ABCA12: variants seen among roughly 807,000 people sequenced by gnomAD.
The protein encoded by ABCA12 is ATP binding cassette subfamily A member 12.
ABCA12 carries 156 observed loss-of-function variants against 293.5 expected under a neutral mutation model. The ratio of observed to expected loss-of-function variants is 0.53; its 90% confidence interval spans 0.47 to 0.61. ABCA12 has a LOEUF of 0.61. ABCA12 is among the 20% of genes least tolerant of loss of function. The pLI is 0.00. For missense variants in ABCA12, 2,797 were observed against 3,090.2 expected (o/e 0.91, Z 2.25); for synonymous variants, 1,063 against 1,108.0 (o/e 0.96, Z 0.81).
rs1044186104 is a variant in ABCA12, at chr2:215,064,175, A to G, written c.208T>C (p.Phe70Leu). 9.3e-6 allele frequency: 15 copies of G among 1,612,892 alleles called. No homozygotes were observed. The highest frequency in any genetic ancestry group is 1.7e-4 in the Middle Eastern group (1 of 6,054). ...RNLPSTGFFP[F>L]LQTLLCDTDS... is the part of the protein sequence containing the mutation. ...GTGTCACAGAGTAGGGTCTGCAGGA[A>G]TGGAAAGAATCCAGTACTAGGAAGG... The change falls in exon 3 of 53, where the codon TTC becomes CTC. Residue 70 changes from phenylalanine to leucine, a missense_variant. Physicochemically the swap from Phe to Leu is conservative, Grantham distance 22 (BLOSUM62 0). This residue lies in a region of ABCA12 where 656 missense variants were observed against 638.2 expected (regional missense o/e 1.03). Transcript: ENST00000272895.
Position 215,138,233 on chromosome 2 carries a change from T to C in ABCA12, c.-25A>G. On this transcript the variant is annotated 5_prime_UTR_variant, in exon 1 of 53. Transcript: ENST00000272895. ...TCCTTCAAATGCCCCAAATGAGAGA[T>C]TTCCTCTTCTTTTCTCCACTCCACA... 1 of 1,612,032 alleles carries C rather than the reference T, an allele frequency of 6.2e-7. No individual in the cohort carries two copies. The highest frequency in any genetic ancestry group is 8.5e-7 in the Non-Finnish European group (1 of 1,178,196).
At chr2:215,047,723 A>G (rs1464107370) in intron 6 of ABCA12, among the ~76,000 whole-genome samples, 1 of 152,226 alleles carries the variant, frequency 6.6e-6, no homozygotes, top group Non-Finnish European at 1.5e-5. Flanking sequence ...AAACCCTGGA[A>G]GACAGCCTAG....
In ABCA12 at chr2:214,980,544, G is replaced by T; in HGVS notation, c.4679C>A (p.Ser1560Tyr). 6.2e-7 allele frequency: 1 copy of T among 1,613,968 alleles called. No individual in the cohort carries two copies. The highest frequency in any genetic ancestry group is 1.1e-5 in the South Asian group (1 of 91,074). ...LEQGGLRCCG[S>Y]PFYLKEAFGD... is the part of the protein sequence containing the mutation. Reference sequence around the variant, plus strand: ...AAAGGCTTCCTTGAGGTAAAATGGGGACCCACAGCACCTAAGCCCACCCTG... The same window carrying T: ...AAAGGCTTCCTTGAGGTAAAATGGGTACCCACAGCACCTAAGCCCACCCTG... Residue 1560 changes from serine to tyrosine, a missense_variant, in exon 31 of 53, where the codon TCC becomes TAC. By Grantham distance (144) the Ser-to-Tyr change is moderately radical (BLOSUM62 -2). This residue lies in a region of ABCA12 where 2,130 missense variants were observed against 2,427.0 expected (regional missense o/e 0.88). Transcript: ENST00000272895.
intron 6 of ABCA12, among the ~76,000 whole-genome samples, chr2:215,049,298 G>T (rs573983517): frequency 2.0e-5 from 3 of 152,242 alleles, no homozygotes; most frequent in African/African-American, 7.2e-5. Context: ...TATTAAACTT[G>T]TATCACAGCC....
chr2:215,122,850 A>C (rs73990504), intron 1 of ABCA12, among the ~76,000 whole-genome samples: 3,922 of 152,196 alleles, frequency 0.026, 141 homozygotes, highest in African/African-American at 0.086. Context: ...TGGGTATTAC[A>C]TGTGTAATGG....
intron 52 of ABCA12, among the ~76,000 whole-genome samples, chr2:214,933,028 T>C (rs1698108629): frequency 6.6e-6 from 1 of 152,156 alleles, no homozygotes; most frequent in Non-Finnish European, 1.5e-5. Flanking sequence ...TAGTTGACTA[T>C]CTGTAGCCAC....
At chr2:215,112,023 C>T (rs1702580822) in intron 1 of ABCA12, among the ~76,000 whole-genome samples, 1 of 152,026 alleles carries the variant, frequency 6.6e-6, no homozygotes, top group Non-Finnish European at 1.5e-5. Flanking sequence ...TTAGAGTTTC[C>T]CACTTCCCTA....
chr2:215,081,098 T>C (rs1344561780), intron 2 of ABCA12, among the ~76,000 whole-genome samples: 1 of 152,204 alleles, frequency 6.6e-6, no homozygotes, highest in African/African-American at 2.4e-5. Flanking sequence ...CTCAGTTTCA[T>C]GTTGCACATA....
chr2:215,054,525 A>T (rs1158615197), intron 4 of ABCA12, 48 bp downstream of exon 4: 1 of 1,439,178 alleles, frequency 6.9e-7, no homozygotes, highest in East Asian at 2.3e-5. Flanking sequence ...TTAGACCTTT[A>T]CTGTTCCATA....
At chr2:215,070,440 T>A (rs1701714940) in intron 2 of ABCA12, among the ~76,000 whole-genome samples, 1 of 151,946 alleles carries the variant, frequency 6.6e-6, no homozygotes, top group Non-Finnish European at 1.5e-5. Context: ...CACAGTTAGT[T>A]ACATATGTAT....
chr2:215,115,393 G>A (rs971322909), intron 1 of ABCA12, among the ~76,000 whole-genome samples: 3 of 152,208 alleles, frequency 2.0e-5, no homozygotes, highest in Non-Finnish European at 4.4e-5. Context: ...CAACCTAGAA[G>A]CAAATGCGGT....
intron 2 of ABCA12, among the ~76,000 whole-genome samples, chr2:215,087,487 C>CATGTGT (rs141236843): frequency 2.0e-5 from 3 of 149,628 alleles, no homozygotes; most frequent in Non-Finnish European, 4.5e-5. Flanking sequence ...ATACAGGCTT[C>CATGTGT]GTGTGTGTGT....
In ABCA12 at chr2:214,986,641, T is replaced by G. The variant is rs750455106; in HGVS notation, c.4064A>C (p.Tyr1355Ser). The G allele has an allele frequency of 1.2e-6, 2 of 1,613,996 alleles. No individual in the cohort carries two copies. Among genetic ancestry groups the G allele is most frequent in the African/African-American group, 2.7e-5 (2 of 74,904 alleles). The change falls in exon 28 of 53, where the codon TAT becomes TCT. Residue 1355 changes from tyrosine to serine, a missense_variant. By Grantham distance (144) the Tyr-to-Ser change is moderately radical. This residue lies in a region of ABCA12 where 2,130 missense variants were observed against 2,427.0 expected (regional missense o/e 0.88). Coordinates refer to ENST00000272895, the MANE Select transcript of ABCA12 (RefSeq NM_173076.3). ...GVALHGVTKI[Y>S]GSKVAVDNLN... ...GTTATCAACAGCAACTTTTGAGCCA[T>G]AGATCTTTGTGACCCCATGCAGGGC...
intron 2 of ABCA12, among the ~76,000 whole-genome samples, chr2:215,067,434 T>G (rs1701659407): frequency 2.0e-5 from 3 of 151,806 alleles, no homozygotes; most frequent in Admixed American, 2.0e-4. Context: ...CCTATACAAG[T>G]AAAAATAAAA....
At chr2:215,035,538 C>T (rs1272146079) in intron 8 of ABCA12, among the ~76,000 whole-genome samples, 1 of 151,542 alleles carries the variant, frequency 6.6e-6, no homozygotes, top group Non-Finnish European at 1.5e-5. Context: ...GCGTGGTAGG[C>T]GCCTGTAATC....
rs34644785 is a variant in ABCA12, at chr2:215,004,342, T to A, written c.2593-43A>T. The A allele has an allele frequency of 1.4e-6, 2 of 1,471,868 alleles. 1 individual carries two copies. Among genetic ancestry groups the A allele is most frequent in the Non-Finnish European group, 1.9e-6 (2 of 1,062,144 alleles). 91.2% of individuals were successfully genotyped at this position (1,471,868 alleles called of 1,614,324 possible). A position where few individuals can be genotyped will look rare whatever the true frequency, so the allele number is the denominator to read the frequency against. ...AAAATCAGTTTCAATACAAGAAAAA[T>A]CATGTTTGACATTGTCTCTCTAATA... On this transcript the variant is annotated intron_variant, in intron 19 of 52. Coordinates refer to ENST00000272895, the MANE Select transcript of ABCA12 (RefSeq NM_173076.3).
chr2:215,040,927 A>G (rs1166100794), intron 7 of ABCA12, among the ~76,000 whole-genome samples: 1 of 152,236 alleles, frequency 6.6e-6, no homozygotes, highest in Non-Finnish European at 1.5e-5. Context: ...CAGGTTTGTT[A>G]CATACATATA....
intron 36 of ABCA12, among the ~76,000 whole-genome samples, chr2:214,972,678 A>C (rs1178068304): frequency 1.3e-5 from 2 of 152,160 alleles, no homozygotes; most frequent in Admixed American, 6.5e-5. Flanking sequence ...CTGGGATTAC[A>C]GGCATGAGCC....
intron 2 of ABCA12, among the ~76,000 whole-genome samples, chr2:215,102,738 T>C (rs972923007): frequency 6.6e-6 from 1 of 152,250 alleles, no homozygotes; most frequent in Non-Finnish European, 1.5e-5. Context: ...TTCTATGTCC[T>C]CACTCATGTA....
Sources: gnomAD v4.1 joint callset for allele counts (sites outside exome capture counted in the v4.1 genomes callset) on GRCh38, gnomAD v4.1.1 for gene constraint, gnomAD v4.1.1 regional missense constraint, MANE v1.5 for transcripts, NCBI Gene and HGNC (gene_info 2026-07-23, HGNC 2026-07-21) for gene names.